CLSTN1: variants seen among roughly 807,000 people sequenced by gnomAD.
CLSTN1 encodes the protein calsyntenin 1, also known as calsyntenin-1.
Under a neutral mutation model 108.3 loss-of-function variants are expected in CLSTN1, and 28 were observed. The ratio of observed to expected loss-of-function variants is 0.26; its 90% CI spans 0.19 to 0.35. The LOEUF (loss-of-function observed/expected upper bound fraction) is 0.35. Among genes scored for constraint, CLSTN1 ranks in the 10% least tolerant of loss-of-function variants. The pLI is 1.00. For synonymous variants in CLSTN1, 524 were observed against 534.9 expected, an observed-to-expected ratio of 0.98 and a Z score of 0.28; for missense variants, 1,157 against 1,302.6, an observed-to-expected ratio of 0.89 and a Z score of 1.72.
intron 1 of CLSTN1, among the ~76,000 whole-genome samples, chr1:9,783,347 G>A (rs543556718): frequency 6.6e-6 from 1 of 152,050 alleles, no homozygotes; most frequent in South Asian, 2.1e-4. Flanking sequence ...GGGAGGCCCA[G>A]GTAGGAGGAT....
At position 9,749,463 on chromosome 1, in the gene CLSTN1, C is replaced by T; in HGVS notation, c.983G>A (p.Cys328Tyr). 2 of 1,608,758 alleles carry T rather than the reference C, an allele frequency of 1.2e-6. No homozygotes were observed. Among genetic ancestry groups the T allele is most frequent in the East Asian group, 4.5e-5 (2 of 44,860 alleles). ...TYSEKSLHRL[C>Y]GAAAGTAELL... ...GCAAGAACGCCTGGTCTCCTTACCA[C>T]AGAGCCGGTGGAGGGACTTCTCTGA... Residue 328 changes from cysteine to tyrosine, a missense_variant and splice_region_variant, in exon 7 of 19, where the codon TGT becomes TAT. Transcript: ENST00000377298.
Position 9,764,637 on chromosome 1 carries a change from T to TAA in CLSTN1, c.215-8129_215-8128dup, listed in dbSNP as rs70998307. 1.3e-3 allele frequency among the ~76,000 whole-genome samples: 106 copies of TAA among 82,324 alleles called. 1 individual carries two copies. The highest frequency in any genetic ancestry group is 1.5e-3 in the African/African-American group (32 of 21,100). The allele number at this position is 82,324 out of a possible 152,430, so 54.0% of individuals were successfully genotyped here. A position where few individuals can be genotyped will look rare whatever the true frequency, so the allele number is the denominator to read the frequency against. On this transcript the variant is annotated intron_variant, in intron 2 of 18. Coordinates refer to ENST00000377298, the MANE Select transcript of CLSTN1 (RefSeq NM_001009566.3). The stretch of plus-strand genomic sequence containing the variant: ...GGGTGATGAAGTGAGGCTCCATCTT[T>TAA]AAAAAAAAAAAAAAAAAAAAAAAAA...
chr1:9,803,665 T>G (rs557318090), intron 1 of CLSTN1, among the ~76,000 whole-genome samples: 1 of 151,972 alleles, frequency 6.6e-6, no homozygotes, highest in South Asian at 2.1e-4. Context: ...TAGCTGGGTG[T>G]GGTGGTATAT....
At chr1:9,767,747 CCT>C (rs1165952457) in intron 2 of CLSTN1, among the ~76,000 whole-genome samples, 1 of 152,084 alleles carries the variant, frequency 6.6e-6, no homozygotes, top group East Asian at 1.9e-4. Context: ...CCAGGTCTAG[CCT>C]CTGTCTTATC....
At chr1:9,818,316 GT>G (rs539231199) in intron 1 of CLSTN1, among the ~76,000 whole-genome samples, 10 of 149,772 alleles carry the variant, frequency 6.7e-5, no homozygotes, top group Non-Finnish European at 8.9e-5. Context: ...GGCCGTTTGG[GT>G]TTTTTTTTGT....
intron 1 of CLSTN1, among the ~76,000 whole-genome samples, chr1:9,779,336 G>T (rs1031078028): frequency 8.5e-5 from 13 of 152,162 alleles, no homozygotes; most frequent in African/African-American, 1.2e-4. Context: ...ACCTTGGGAG[G>T]TCAAGGCAGG....
chr1:9,737,412 T>C (rs1650750926), intron 11 of CLSTN1, 86 bp downstream of exon 11: 1 of 1,248,864 alleles, frequency 8.0e-7, no homozygotes, highest in Non-Finnish European at 1.2e-6. Context: ...AAAATGCAAC[T>C]GGGGCGTTTC....
chr1:9,744,879 G>A (rs1409620293), intron 7 of CLSTN1, among the ~76,000 whole-genome samples: 6 of 150,694 alleles, frequency 4.0e-5, no homozygotes, highest in East Asian at 4.0e-4. Context: ...TCAGCCTCCC[G>A]AGTAGCTGGG....
rs143700297 is a variant in CLSTN1, at chr1:9,819,914, T to C, written c.91+3729A>G. On this transcript the variant is annotated intron_variant, in intron 1 of 18. Transcript: ENST00000377298. ...ATCTTCCCAAAAAAGCTGAAAATTA[T>C]AGTATTTTTAAAGGGACTAACAGGG... is the stretch of plus-strand genomic sequence containing the variant. Among the ~76,000 whole-genome samples the C allele has an allele frequency of 4.3e-3, 655 of 152,306 alleles. 7 individuals are homozygous for C. Among genetic ancestry groups the C allele is most frequent in the African/African-American group, 0.015 (610 of 41,566 alleles).
At chr1:9,775,515 G>A (rs1019083367) in intron 1 of CLSTN1, among the ~76,000 whole-genome samples, 5 of 151,836 alleles carry the variant, frequency 3.3e-5, no homozygotes, top group African/African-American at 1.2e-4. Flanking sequence ...CCTAAGTGTC[G>A]ATGTCAGACG....
chr1:9,746,140 C>T (rs958791439), intron 7 of CLSTN1, among the ~76,000 whole-genome samples: 1 of 152,146 alleles, frequency 6.6e-6, no homozygotes, highest in Admixed American at 6.6e-5. Context: ...GAGGCTGTCC[C>T]TAACCTTTTC....
At chr1:9,762,910 T>G (rs1005032019) in intron 2 of CLSTN1, among the ~76,000 whole-genome samples, 1 of 152,244 alleles carries the variant, frequency 6.6e-6, no homozygotes, top group Non-Finnish European at 1.5e-5. Context: ...CCAGGCTAGT[T>G]TCTGGAATGA....
rs1286385210 is a variant in CLSTN1, at chr1:9,730,729, CAT to C, written c.2749-26_2749-25del. On this transcript the variant is annotated intron_variant, in intron 18 of 18. Transcript: ENST00000377298. This position sits in a 1 kb window ranked among gnomAD's most constrained non-coding sequence, Gnocchi z 5.6. ...GTCTGGCAAGGAGAAGTGACGGCCACATGAGTCCGGCCCTGCCCACAGCCCCG... is the reference window on the plus strand; with the variant it reads ...GTCTGGCAAGGAGAAGTGACGGCCACGAGTCCGGCCCTGCCCACAGCCCCG... The C allele has an allele frequency of 5.1e-6, 8 of 1,570,880 alleles. No homozygotes were observed. The highest frequency in any genetic ancestry group is 4.1e-5 in the African/African-American group (3 of 73,818).
At chr1:9,784,644 A>G (rs1231989785) in intron 1 of CLSTN1, among the ~76,000 whole-genome samples, 1 of 152,224 alleles carries the variant, frequency 6.6e-6, no homozygotes, top group African/African-American at 2.4e-5. Context: ...TATAAATCCT[A>G]GATGATGTTA....
intron 3 of CLSTN1, 67 bp from the exon 4 acceptor site, chr1:9,755,376 C>G: frequency 7.7e-7 from 1 of 1,295,030 alleles, no homozygotes; most frequent in Non-Finnish European, 1.1e-6. Context: ...TGCCCTCCTC[C>G]CCCCATCTCC....
At chr1:9,744,134 A>T in intron 8 of CLSTN1, 129 bp from the exon 9 acceptor site, 5 of 1,316,958 alleles carry the variant, frequency 3.8e-6, no homozygotes, top group Non-Finnish European at 5.2e-6. Context: ...AAGCCAAGGC[A>T]GGGCTTAGAA....
rs1444876013 is a variant in CLSTN1 at position 9,735,082 on chromosome 1, C to A, written c.1976G>T (p.Gly659Val). Residue 659 changes from glycine to valine, a missense_variant, in exon 14 of 19, where the codon GGC (glycine) becomes GTC (valine). Gly to Val is a moderately radical substitution (Grantham distance 109, BLOSUM62 -3). Coordinates refer to ENST00000377298, the MANE Select transcript of CLSTN1 (RefSeq NM_001009566.3). Reference sequence around the variant, plus strand: ...AGCTGCTCGGGCAAAATGGTGGACGCCACTCAGGCTGATCTTGGGCTCCTC... The same window carrying A: ...AGCTGCTCGGGCAAAATGGTGGACGACACTCAGGCTGATCTTGGGCTCCTC... ...QPEEPKISLS[G>V]VHHFARAASE... 6.2e-7 allele frequency: 1 copy of A among 1,614,220 alleles called. No homozygotes were observed. The highest frequency in any genetic ancestry group is 8.5e-7 in the Non-Finnish European group (1 of 1,180,046).
chr1:9,746,644 G>GTGGA (rs1185377210), intron 7 of CLSTN1, among the ~76,000 whole-genome samples: 1 of 151,848 alleles, frequency 6.6e-6, no homozygotes, highest in Non-Finnish European at 1.5e-5. Context: ...AACACAGGAA[G>GTGGA]TGGAGGCTGC....
chr1:9,813,869 G>T (rs555181352), intron 1 of CLSTN1, among the ~76,000 whole-genome samples: 1 of 152,230 alleles, frequency 6.6e-6, no homozygotes, highest in African/African-American at 2.4e-5. Context: ...GGAGGCCAAG[G>T]CGGGAGGATC....
Sources: gnomAD v4.1 joint callset for allele counts (sites outside exome capture counted in the v4.1 genomes callset) on GRCh38, gnomAD v4.1.1 for gene constraint, Gnocchi (gnomAD v3.1) non-coding constraint, MANE v1.5 for transcripts, NCBI Gene and HGNC (gene_info 2026-07-23, HGNC 2026-07-21) for gene names.